The following BEND2 variants were observed in gnomAD, a reference collection of about 807,000 sequenced individuals.
BEND2 encodes the protein BEN domain-containing protein 2.
In BEND2, 19 loss-of-function variants were observed where a neutral mutation model predicts 43.8. The ratio of observed to expected loss-of-function variants is 0.43; its 90% CI spans 0.30 to 0.64. The LOEUF (loss-of-function observed/expected upper bound fraction) is 0.64, where lower values mean the gene tolerates loss of function less well. Among genes scored for constraint, BEND2 ranks in the 30% least tolerant of loss-of-function variants. The probability of loss-of-function intolerance (pLI) is 0.11; values close to 1 mark genes in which losing one functional copy is unlikely to be tolerated. For synonymous variants in BEND2, 226 were observed against 210.1 expected, an observed-to-expected ratio of 1.08 and a Z score of -0.66; for missense variants, 544 against 574.0, an observed-to-expected ratio of 0.95 and a Z score of 0.53.
At chrX:18,171,980 ATT>A (rs1177391591) in intron 12 of BEND2, among the ~76,000 whole-genome samples, 2 of 111,517 alleles carry the variant, frequency 1.8e-5, no homozygotes, top group Non-Finnish European at 3.8e-5. Context: ...TAGATATCTT[ATT>A]TGAAATGAAA....
At chrX:18,195,474 A>G (rs1219729755) in intron 6 of BEND2, 32 bp from the exon 7 acceptor site, 1 of 1,137,387 alleles carries the variant, frequency 8.8e-7, no homozygotes, top group Admixed American at 2.3e-5. Context: ...GCTCAATCAT[A>G]AATTCTACAT....
At chrX:18,200,154 T>C (rs774206184) in intron 6 of BEND2, among the ~76,000 whole-genome samples, 2 of 111,480 alleles carry the variant, frequency 1.8e-5, no homozygotes, top group Admixed American at 9.6e-5. Flanking sequence ...TTTCAATGGG[T>C]GAATGGCTAA....
rs780969533 is a variant in BEND2 at position 18,180,838 on chromosome X, G to A, written c.1289-188C>T. On this transcript the variant is annotated intron_variant, in intron 8 of 13. Transcript: ENST00000380033. ...TGCCCAAGCTGGAGTGCAATGGCAT[G>A]ATCTTGGCTTACTACAACCTCTGCC... Among the ~76,000 whole-genome samples, 3 of 106,307 alleles carry A rather than the reference G, an allele frequency of 2.8e-5. No homozygotes were observed. The South Asian group carries it at 1.3e-3, about 45-fold the overall frequency. 92.3% of individuals were successfully genotyped at this position (106,307 alleles called of 115,157 possible).
intron 12 of BEND2, among the ~76,000 whole-genome samples, chrX:18,171,825 T>C (rs1028428662): frequency 1.8e-5 from 2 of 111,919 alleles, no homozygotes; most frequent in Non-Finnish European, 3.8e-5. Flanking sequence ...ATGCATTGTT[T>C]CCCTACTTAC....
At chrX:18,182,471 T>C (rs1339616555) in intron 8 of BEND2, among the ~76,000 whole-genome samples, 1 of 110,950 alleles carries the variant, frequency 9.0e-6, no homozygotes, top group African/African-American at 3.3e-5. Flanking sequence ...ACCATGCAAA[T>C]ATTAATCCAA....
intron 13 of BEND2, among the ~76,000 whole-genome samples, chrX:18,167,936 A>G (rs890200926): frequency 3.6e-5 from 4 of 112,549 alleles, no homozygotes; most frequent in African/African-American, 1.3e-4. Context: ...GTACTATTGT[A>G]TCCTGGGTGT....
At chrX:18,212,715 A>T in intron 3 of BEND2, 35 bp from the exon 4 acceptor site, 2 of 925,333 alleles carry the variant, frequency 2.2e-6, no homozygotes, top group South Asian at 2.1e-5. Context: ...TATTTCATAC[A>T]CTACTCTCTT....
chrX:18,189,820 G>C (rs1415287162), intron 8 of BEND2, among the ~76,000 whole-genome samples: 2 of 110,883 alleles, frequency 1.8e-5, no homozygotes, highest in African/African-American at 6.6e-5. Context: ...GCTAAGTGCT[G>C]GGCAGATCAT....
At chrX:18,214,209 C>T (rs1245989174) in intron 2 of BEND2, among the ~76,000 whole-genome samples, 1 of 110,891 alleles carries the variant, frequency 9.0e-6, no homozygotes, top group Non-Finnish European at 1.9e-5. Flanking sequence ...AATTGAGCCC[C>T]GGAGTTCAAG....
At chrX:18,175,441 T>C (rs772181613) in intron 11 of BEND2, among the ~76,000 whole-genome samples, 2 of 112,455 alleles carry the variant, frequency 1.8e-5, no homozygotes, top group East Asian at 2.8e-4. Context: ...ACTTTGAAGA[T>C]AGACTGGAGG....
rs773707491 is a variant in BEND2 at position 18,188,977 on chromosome X, G to A, written c.1288+2024C>T. Among the ~76,000 whole-genome samples, 6 of 111,482 alleles carry A rather than the reference G, an allele frequency of 5.4e-5. No individual in the cohort carries two copies. The East Asian group carries it at 1.7e-3, about 31-fold the overall frequency. ...GCACTTTGGGAGGCCGAGGCGGGTG[G>A]ATTACGAGGTCAGGAGTTCGAGACC... On this transcript the variant is annotated intron_variant, in intron 8 of 13. Coordinates refer to ENST00000380033, the MANE Select transcript of BEND2 (RefSeq NM_153346.5).
chrX:18,195,833 C>T (rs777192488), intron 6 of BEND2, among the ~76,000 whole-genome samples: 1 of 104,006 alleles, frequency 9.6e-6, no homozygotes, highest in Non-Finnish European at 1.9e-5. Context: ...GCCATGATTG[C>T]ACCACTGCAC....
chrX:18,214,438 G>T (rs1306205550), intron 2 of BEND2, among the ~76,000 whole-genome samples: 1 of 111,385 alleles, frequency 9.0e-6, no homozygotes, highest in East Asian at 2.8e-4. Flanking sequence ...TCTTGGGATG[G>T]GTGCTGGTTA....
chrX:18,178,631 T>C (rs1292804494), intron 9 of BEND2, among the ~76,000 whole-genome samples: 1 of 111,708 alleles, frequency 9.0e-6, no homozygotes, highest in African/African-American at 3.3e-5. Context: ...TCTGCATTCC[T>C]GTCATCATAA....
At chrX:18,168,372 G>A (rs1923877286) in intron 13 of BEND2, among the ~76,000 whole-genome samples, 1 of 111,730 alleles carries the variant, frequency 9.0e-6, no homozygotes, top group Non-Finnish European at 1.9e-5. Flanking sequence ...GGACAAAAGT[G>A]TATGATTTAC....
chrX:18,174,171 C>T lies in BEND2; in HGVS notation c.1840G>A (p.Glu614Lys). The T allele has an allele frequency of 1.7e-6, 2 of 1,211,664 alleles. No homozygotes were observed. The highest frequency in any genetic ancestry group is 1.8e-5 in the South Asian group (1 of 56,997). ...RNDQRGRDGG[E>K]GCSWMFQPMN... ...GGCTGAAACATCCAAGAACAGCCTT[C>T]ACCACCATCTCTGCCCCTTTGGTCA... The change falls in exon 12 of 14, where the codon GAA becomes AAA. Residue 614 changes from glutamate to lysine, a missense_variant. Physicochemically the swap from Glu to Lys is moderately conservative, Grantham distance 56 (BLOSUM62 1). This residue lies in a region of BEND2 where 501 missense variants were observed against 501.6 expected (regional missense o/e 1.00). Coordinates refer to ENST00000380033, the MANE Select transcript of BEND2 (RefSeq NM_153346.5).
chrX:18,167,223 T>C (rs1477969935), intron 13 of BEND2, among the ~76,000 whole-genome samples: 1 of 106,995 alleles, frequency 9.3e-6, no homozygotes, highest in Non-Finnish European at 1.9e-5. Context: ...CAAGGCTGCA[T>C]TGAGCTGTGA....
intron 13 of BEND2, among the ~76,000 whole-genome samples, chrX:18,167,261 A>AGAGT (rs1659526519): frequency 9.1e-6 from 1 of 109,489 alleles, no homozygotes; most frequent in South Asian, 4.2e-4. Flanking sequence ...AGCCTGGGCA[A>AGAGT]GAGTGAGACC....
intron 1 of BEND2, among the ~76,000 whole-genome samples, 163 bp downstream of exon 1, chrX:18,220,563 C>A (rs781212250): frequency 8.9e-6 from 1 of 112,447 alleles, no homozygotes; most frequent in African/African-American, 3.2e-5. Flanking sequence ...GCTGAGCAAT[C>A]GGCGGCAGAT....
Sources: allele counts gnomAD v4.1 joint callset (sites outside exome capture counted in the v4.1 genomes callset), GRCh38; gene constraint gnomAD v4.1.1; regional missense constraint gnomAD v4.1.1; transcripts MANE v1.5; gene names NCBI Gene and HGNC (gene_info 2026-07-23, HGNC 2026-07-21).